The following CCDC91 variants were observed in gnomAD, a reference collection of about 807,000 sequenced individuals.
CCDC91 encodes coiled-coil domain-containing protein 91.
A neutral mutation model predicts 63.2 loss-of-function variants in CCDC91; 48 were observed. That is an observed-to-expected ratio of 0.76 (90% CI 0.60 to 0.97). The LOEUF (loss-of-function observed/expected upper bound fraction) is 0.97, where lower values mean the gene tolerates loss of function less well. CCDC91 is among the 50% of genes least tolerant of loss of function. The pLI, the probability that CCDC91 is intolerant of heterozygous loss-of-function variation, is 0.00. For synonymous variants in CCDC91, 167 were observed against 165.8 expected, an observed-to-expected ratio of 1.01 and a Z score of -0.06; for missense variants, 500 against 494.6, an observed-to-expected ratio of 1.01 and a Z score of -0.10.
rs771694567 is a variant in CCDC91 at position 28,417,061 on chromosome 12, G to A, written c.762+25650G>A. ...TCTTTCTAGCATTTGCTGTGTCTGT[G>A]ATGTTCAGTCCATTGAATAATGGCA... On this transcript the variant is annotated intron_variant, in intron 8 of 12. Coordinates refer to ENST00000536442, the MANE Select transcript of CCDC91 (RefSeq NM_018318.5). 6.6e-5 allele frequency among the ~76,000 whole-genome samples: 10 copies of A among 152,004 alleles called. 1 individual carries two copies. The highest frequency in any genetic ancestry group is 1.0e-4 in the Non-Finnish European group (7 of 68,010).
chr12:28,489,035 G>A (rs1203635909), intron 12 of CCDC91, among the ~76,000 whole-genome samples: 1 of 151,938 alleles, frequency 6.6e-6, no homozygotes, highest in Non-Finnish European at 1.5e-5. Context: ...TAGCAGAGTT[G>A]AGTAAAGAGA....
chr12:28,195,309 G>C (rs1314740810), intron 1 of CCDC91, among the ~76,000 whole-genome samples: 1 of 152,192 alleles, frequency 6.6e-6, no homozygotes, highest in Non-Finnish European at 1.5e-5. Context: ...TAGACACAGA[G>C]TGCTGATTGG....
chr12:28,390,295 G>T (rs1214332973), intron 7 of CCDC91, among the ~76,000 whole-genome samples: 1 of 151,372 alleles, frequency 6.6e-6, no homozygotes, highest in African/African-American at 2.4e-5. Context: ...AAGAGATTTG[G>T]CTGATTTTTT....
chr12:28,511,418 C>A (rs1939364628), intron 12 of CCDC91, among the ~76,000 whole-genome samples: 1 of 151,862 alleles, frequency 6.6e-6, no homozygotes. Context: ...ATCCTCCCTG[C>A]ACCTGGCATG....
intron 6 of CCDC91, among the ~76,000 whole-genome samples, chr12:28,311,982 A>C (rs1367436465): frequency 6.6e-6 from 1 of 152,044 alleles, no homozygotes; most frequent in East Asian, 1.9e-4. Context: ...TTCCCTCTGC[A>C]TTCCAGAATC....
At chr12:28,404,653 C>A (rs921562083) in intron 8 of CCDC91, among the ~76,000 whole-genome samples, 12 of 152,084 alleles carry the variant, frequency 7.9e-5, no homozygotes, top group African/African-American at 2.9e-4. Flanking sequence ...TAAGTGTTTG[C>A]CTCATGCATT....
chr12:28,330,780 T>C (rs1405043659), intron 6 of CCDC91, among the ~76,000 whole-genome samples: 1 of 152,182 alleles, frequency 6.6e-6, no homozygotes, highest in African/African-American at 2.4e-5. Flanking sequence ...GGGTTGCAGC[T>C]AGACTGATAA....
intron 3 of CCDC91, among the ~76,000 whole-genome samples, chr12:28,282,964 G>T (rs576581208): frequency 6.6e-6 from 1 of 152,072 alleles, no homozygotes; most frequent in South Asian, 2.1e-4. Flanking sequence ...TAATAGTATG[G>T]TGTCCTTTCC....
chr12:28,199,248 C>T (rs1942021524), intron 1 of CCDC91, among the ~76,000 whole-genome samples: 1 of 151,954 alleles, frequency 6.6e-6, no homozygotes, highest in South Asian at 2.1e-4. Flanking sequence ...TTTGAGTTCT[C>T]AGTGGTTGCC....
chr12:28,345,381 G>A (rs953755743), intron 6 of CCDC91, among the ~76,000 whole-genome samples: 3 of 151,952 alleles, frequency 2.0e-5, no homozygotes, highest in African/African-American at 4.8e-5. Flanking sequence ...TTTAATGGGT[G>A]TACTATCATT....
intron 8 of CCDC91, among the ~76,000 whole-genome samples, chr12:28,409,992 G>A (rs1947216384): frequency 6.6e-6 from 1 of 152,026 alleles, no homozygotes. Flanking sequence ...ACTTGAAAAG[G>A]TTGTACATTC....
intron 3 of CCDC91, among the ~76,000 whole-genome samples, chr12:28,286,511 T>C (rs1334435688): frequency 6.6e-6 from 1 of 152,200 alleles, no homozygotes; most frequent in Non-Finnish European, 1.5e-5. Context: ...GGATTTTAGC[T>C]CCATCCATGT....
intron 1 of CCDC91, chr12:28,226,129 G>A (rs1944260138): frequency 6.6e-6 from 1 of 152,052 alleles, no homozygotes; most frequent in Non-Finnish European, 1.5e-5. Context: ...GGAATTTTCT[G>A]TTACTTCCAG....
At chr12:28,396,634 A>C (rs1045974254) in intron 8 of CCDC91, among the ~76,000 whole-genome samples, 11 of 99,968 alleles carry the variant, frequency 1.1e-4, no homozygotes, top group African/African-American at 3.4e-4. Context: ...GCTCATTGAT[A>C]AAGGAGATTT....
chr12:28,396,570 T>C (rs137884733), intron 8 of CCDC91, among the ~76,000 whole-genome samples: 3 of 151,880 alleles, frequency 2.0e-5, no homozygotes, highest in African/African-American at 7.2e-5. Flanking sequence ...TTTTGAGTGA[T>C]ATTAAGGGAA....
chr12:28,267,933 T>TAA (rs1947443164), intron 3 of CCDC91, among the ~76,000 whole-genome samples: 3 of 104,058 alleles, frequency 2.9e-5, no homozygotes, highest in Non-Finnish European at 5.3e-5. Context: ...TAATTATATA[T>TAA]AATTATATAT....
chr12:28,453,981 C>T (rs1462323909), intron 11 of CCDC91, among the ~76,000 whole-genome samples: 2 of 152,066 alleles, frequency 1.3e-5, no homozygotes, highest in South Asian at 4.1e-4. Context: ...GCTGATTTGT[C>T]AAGAGTCTAC....
At chr12:28,433,320 A>T (rs1244273332) in intron 8 of CCDC91, among the ~76,000 whole-genome samples, 1 of 151,868 alleles carries the variant, frequency 6.6e-6, no homozygotes, top group African/African-American at 2.4e-5. Flanking sequence ...GATTGCTTTC[A>T]TATATTATCT....
At chr12:28,352,918 AAG>A (rs1943276106) in intron 6 of CCDC91, among the ~76,000 whole-genome samples, 1 of 152,200 alleles carries the variant, frequency 6.6e-6, no homozygotes, top group Admixed American at 6.5e-5. Context: ...TCAAACTTTG[AAG>A]CCAGTCATTG....
Sources: gnomAD v4.1 joint callset for allele counts (sites outside exome capture counted in the v4.1 genomes callset) on GRCh38, gnomAD v4.1.1 for gene constraint, MANE v1.5 for transcripts, NCBI Gene and HGNC (gene_info 2026-07-23, HGNC 2026-07-21) for gene names.